CAMTA1: variants seen among roughly 807,000 people sequenced by gnomAD.
The protein encoded by CAMTA1 is calmodulin-binding transcription activator 1.
A neutral mutation model predicts 170.9 loss-of-function variants in CAMTA1; 27 were observed. The ratio of observed to expected loss-of-function variants is 0.16; its 90% CI spans 0.12 to 0.22. The LOEUF is 0.22. Among genes scored for constraint, CAMTA1 ranks in the 10% least tolerant of loss-of-function variants. The probability of loss-of-function intolerance (pLI) is 1.00; values close to 1 mark genes in which losing one functional copy is unlikely to be tolerated. For missense variants in CAMTA1, 1,619 were observed against 2,217.2 expected, an observed-to-expected ratio of 0.73 and a Z score of 5.42; for synonymous variants, 833 against 891.5, an observed-to-expected ratio of 0.93 and a Z score of 1.17.
intron 11 of CAMTA1, among the ~76,000 whole-genome samples, chr1:7,707,722 T>C (rs2096537731): frequency 6.6e-6 from 1 of 152,216 alleles, no homozygotes; most frequent in African/African-American, 2.4e-5. Context: ...TTAGTATTAC[T>C]CACATTTAAC....
intron 6 of CAMTA1, among the ~76,000 whole-genome samples, chr1:7,594,135 G>C (rs2095376791): frequency 6.8e-6 from 1 of 147,010 alleles, no homozygotes; most frequent in Admixed American, 6.9e-5. Context: ...AAGAAAGAAA[G>C]AAAGAAGGAA....
chr1:7,363,740 A>G (rs1313849337), intron 5 of CAMTA1, among the ~76,000 whole-genome samples: 1 of 151,912 alleles, frequency 6.6e-6, no homozygotes, highest in Non-Finnish European at 1.5e-5. Context: ...GGCTTGGCTG[A>G]CCCCAGCAAG....
At position 7,249,673 on chromosome 1, in the gene CAMTA1, G is replaced by C; in HGVS notation, c.438+47G>C. On this transcript the variant is annotated intron_variant, in intron 5 of 22. Transcript: ENST00000303635. The surrounding 1 kb of genome is among the most constrained non-coding windows in gnomAD (Gnocchi z 4.4). The stretch of plus-strand genomic sequence containing the variant: ...CTTGGTGCACAAATGTCATTTGCAG[G>C]CTGCAGTGGAGAATGGAATTGCTTG... 1.2e-6 allele frequency: 2 copies of C among 1,601,768 alleles called. No homozygotes were observed. The highest frequency in any genetic ancestry group is 1.1e-5 in the South Asian group (1 of 89,036).
At chr1:7,460,152 G>A (rs2093048592) in intron 5 of CAMTA1, among the ~76,000 whole-genome samples, 1 of 152,260 alleles carries the variant, frequency 6.6e-6, no homozygotes, top group African/African-American at 2.4e-5. Context: ...CACCCCGCAT[G>A]CGGGACGCGG....
At chr1:7,430,010 AC>A in intron 5 of CAMTA1, among the ~76,000 whole-genome samples, 2 of 152,306 alleles carry the variant, frequency 1.3e-5, no homozygotes, top group Admixed American at 1.3e-4. Context: ...ATCACCTCCC[AC>A]CAGGCCCTAC....
At chr1:7,759,204 T>A (rs1189927379) in intron 22 of CAMTA1, among the ~76,000 whole-genome samples, 1 of 152,078 alleles carries the variant, frequency 6.6e-6, no homozygotes, top group Admixed American at 6.6e-5. Context: ...AGAATTAAAT[T>A]TTATGGGACA....
At chr1:7,204,440 G>A (rs1042575584) in intron 4 of CAMTA1, among the ~76,000 whole-genome samples, 6 of 152,038 alleles carry the variant, frequency 3.9e-5, no homozygotes, top group African/African-American at 1.5e-4. Flanking sequence ...AGAATGTGTT[G>A]TTTAATTTAT....
chr1:6,951,453 C>G (rs1042187500), intron 3 of CAMTA1, among the ~76,000 whole-genome samples: 2 of 152,250 alleles, frequency 1.3e-5, no homozygotes, highest in Admixed American at 1.3e-4. Flanking sequence ...CTGGGAGAAG[C>G]CTGGCACATA....
chr1:7,416,455 G>A (rs142594270), intron 5 of CAMTA1, among the ~76,000 whole-genome samples: 4,177 of 152,088 alleles, frequency 0.027, 191 homozygotes, highest in African/African-American at 0.093. Flanking sequence ...GACTTTTTTC[G>A]TTTCTTTTTA....
chr1:7,584,363 C>T (rs537639321), intron 6 of CAMTA1, among the ~76,000 whole-genome samples: 1 of 152,064 alleles, frequency 6.6e-6, no homozygotes, highest in African/African-American at 2.4e-5. Flanking sequence ...AACTGTCTCG[C>T]TCGGATTAGG....
intron 5 of CAMTA1, among the ~76,000 whole-genome samples, chr1:7,363,443 A>G (rs930222335): frequency 3.3e-5 from 5 of 152,040 alleles, no homozygotes; most frequent in Admixed American, 1.3e-4. Context: ...TGGAGGAATG[A>G]TCTGGGGGTG....
At chr1:7,716,133 C>T (rs1267529780) in intron 11 of CAMTA1, among the ~76,000 whole-genome samples, 11 of 152,104 alleles carry the variant, frequency 7.2e-5, no homozygotes, top group Non-Finnish European at 1.0e-4. Context: ...TCTGGGCTCA[C>T]GTGATCCCCC....
rs1001125595 is a variant in CAMTA1, at chr1:6,851,603, G to T, written c.234+26393G>T. ...CATTTTAATAGTAACCAGAGGCCAG[G>T]TGCGGTGGCTCACTCCTGTGATCCC... is the stretch of plus-strand genomic sequence containing the variant. On this transcript the variant is annotated intron_variant, in intron 3 of 22. Coordinates refer to ENST00000303635, the MANE Select transcript of CAMTA1 (RefSeq NM_015215.4). 2.0e-5 allele frequency among the ~76,000 whole-genome samples: 3 copies of T among 152,298 alleles called. No individual in the cohort carries two copies. The East Asian group carries it at 5.8e-4, about 29-fold the overall frequency.
intron 6 of CAMTA1, among the ~76,000 whole-genome samples, chr1:7,586,604 C>A (rs2095312087): frequency 6.6e-6 from 1 of 152,188 alleles, no homozygotes; most frequent in Non-Finnish European, 1.5e-5. Flanking sequence ...TGCCCCAGCA[C>A]TCCTCTGCCC....
At chr1:6,853,037 CT>C (rs1392988960) in intron 3 of CAMTA1, 1 of 152,094 alleles carries the variant, frequency 6.6e-6, no homozygotes, top group African/African-American at 2.4e-5. Context: ...ATATATGTTT[CT>C]TATTATATCA....
chr1:7,445,885 G>C (rs971232251), intron 5 of CAMTA1, among the ~76,000 whole-genome samples: 1 of 152,146 alleles, frequency 6.6e-6, no homozygotes, highest in African/African-American at 2.4e-5. Context: ...CAGGGGTCAG[G>C]ATGGTGTCAT....
intron 4 of CAMTA1, among the ~76,000 whole-genome samples, chr1:7,104,176 A>G (rs1440651001): frequency 2.7e-5 from 4 of 150,110 alleles, no homozygotes; most frequent in Admixed American, 6.6e-5. Context: ...CTACACACAT[A>G]TACACACAAC....
At chr1:6,796,199 G>A (rs1642469167) in intron 1 of CAMTA1, among the ~76,000 whole-genome samples, 1 of 146,038 alleles carries the variant, frequency 6.8e-6, no homozygotes, top group Non-Finnish European at 1.5e-5. Context: ...GAGTGCAGTG[G>A]CATGATCTCT....
rs578128323 is a variant in CAMTA1, at chr1:7,175,894, T to C, written c.303-73597T>C. Among the ~76,000 whole-genome samples, 65 of 152,344 alleles carry C rather than the reference T, an allele frequency of 4.3e-4. 2 individuals carry two copies. The South Asian group carries it at 9.5e-3, about 22-fold the overall frequency. On this transcript the variant is annotated intron_variant, in intron 4 of 22. Transcript: ENST00000303635. ...CTTTCCTGCCGATTTACACTGTGAC[T>C]TCACAAATAAGCTATTTTCATGGTC... is the stretch of plus-strand genomic sequence containing the variant.
Sources: gnomAD v4.1 joint callset for allele counts (sites outside exome capture counted in the v4.1 genomes callset) on GRCh38, gnomAD v4.1.1 for gene constraint, Gnocchi (gnomAD v3.1) non-coding constraint, MANE v1.5 for transcripts, NCBI Gene and HGNC (gene_info 2026-07-23, HGNC 2026-07-21) for gene names.